CATSPERB: variants seen among roughly 807,000 people sequenced by gnomAD.
CATSPERB encodes cation channel sperm-associated auxiliary subunit beta.
In CATSPERB, 93 loss-of-function variants were observed where a neutral mutation model predicts 128.3. That is an observed-to-expected ratio of 0.72 (90% CI 0.61 to 0.86). CATSPERB has a LOEUF of 0.86. Among genes scored for constraint, CATSPERB ranks in the 40% least tolerant of loss-of-function variants. CATSPERB has a pLI of 0.00. For synonymous variants in CATSPERB, 381 were observed against 448.8 expected (o/e 0.85, Z 1.91); for missense variants, 1,153 against 1,329.5 (o/e 0.87, Z 2.06).
intron 20 of CATSPERB, among the ~76,000 whole-genome samples, chr14:91,617,317 G>A (rs1198281358): frequency 6.6e-6 from 1 of 152,116 alleles, no homozygotes; most frequent in Non-Finnish European, 1.5e-5. Flanking sequence ...AAAAAAATAT[G>A]ATTCTGAAAT....
chr14:91,641,170 C>G (rs1894491935), intron 15 of CATSPERB, among the ~76,000 whole-genome samples: 1 of 148,524 alleles, frequency 6.7e-6, no homozygotes, highest in Non-Finnish European at 1.5e-5. Flanking sequence ...TGAAAATTTT[C>G]TCCCATTTTG....
chr14:91,675,691 T>A (rs1895180929), intron 11 of CATSPERB, among the ~76,000 whole-genome samples: 1 of 152,210 alleles, frequency 6.6e-6, no homozygotes, highest in Non-Finnish European at 1.5e-5. Flanking sequence ...GATCTACATT[T>A]GGGCCCTTAT....
chr14:91,680,311 G>T (rs982665079), intron 11 of CATSPERB, among the ~76,000 whole-genome samples: 1 of 152,140 alleles, frequency 6.6e-6, no homozygotes, highest in Non-Finnish European at 1.5e-5. Flanking sequence ...TTGCAGAAGT[G>T]GTGGTCATGT....
At chr14:91,699,426 G>C (rs1393800255) in intron 7 of CATSPERB, among the ~76,000 whole-genome samples, 1 of 151,446 alleles carries the variant, frequency 6.6e-6, no homozygotes, top group Non-Finnish European at 1.5e-5. Context: ...CACAGAATTA[G>C]AAAAAAAATC....
chr14:91,686,941 A>T (rs1388241851), intron 10 of CATSPERB, among the ~76,000 whole-genome samples: 1 of 152,200 alleles, frequency 6.6e-6, no homozygotes. Context: ...AACAAAAAAC[A>T]AAAGAAAAAG....
At chr14:91,657,758 T>A (rs1239246164) in intron 15 of CATSPERB, among the ~76,000 whole-genome samples, 1 of 152,096 alleles carries the variant, frequency 6.6e-6, no homozygotes, top group Non-Finnish European at 1.5e-5. Context: ...CAGACAGGCG[T>A]ATGAAAAGGT....
Position 91,661,097 on chromosome 14 carries a change from T to C in CATSPERB, c.1288-1116A>G, listed in dbSNP as rs112912249. On this transcript the variant is annotated intron_variant, in intron 14 of 26. Transcript: ENST00000256343. ...ATAACACAATCCATGATCCAAAGCA[T>C]ATGGTATGTGGACCTCAATTTTCAC... Among the ~76,000 whole-genome samples, 1,064 of 152,252 alleles carry C rather than the reference T, an allele frequency of 7.0e-3. 9 individuals carry two copies. Among genetic ancestry groups the C allele is most frequent in the Middle Eastern group, 0.014 (4 of 294 alleles).
chr14:91,695,958 A>G (rs1279080318), intron 7 of CATSPERB, among the ~76,000 whole-genome samples: 1 of 152,206 alleles, frequency 6.6e-6, no homozygotes, highest in Non-Finnish European at 1.5e-5. Context: ...GACCAATTTA[A>G]TACTAATTGG....
intron 15 of CATSPERB, chr14:91,646,033 C>T (rs1466114160): frequency 6.5e-6 from 1 of 152,900 alleles, no homozygotes; most frequent in Non-Finnish European, 1.5e-5. Context: ...CCTTGCGCTT[C>T]CCAGGTGAGG....
intron 14 of CATSPERB, among the ~76,000 whole-genome samples, chr14:91,667,679 T>G (rs1895010713): frequency 6.6e-6 from 1 of 152,220 alleles, no homozygotes; most frequent in East Asian, 1.9e-4. Context: ...TCCTCACTGC[T>G]GAGAAAGGAG....
chr14:91,665,621 G>A (rs1275588707), intron 14 of CATSPERB, among the ~76,000 whole-genome samples: 3 of 152,166 alleles, frequency 2.0e-5, no homozygotes, highest in Admixed American at 1.3e-4. Flanking sequence ...TATAATCCCA[G>A]CACTTTGGGA....
intron 12 of CATSPERB, among the ~76,000 whole-genome samples, chr14:91,673,392 T>C (rs1196136615): frequency 6.6e-6 from 1 of 152,172 alleles, no homozygotes; most frequent in Non-Finnish European, 1.5e-5. Flanking sequence ...AGAGACAGGT[T>C]TGAGATTTTT....
At chr14:91,591,857 G>A (rs1893409757) in intron 23 of CATSPERB, 35 bp downstream of exon 23, 1 of 1,367,668 alleles carries the variant, frequency 7.3e-7, no homozygotes, top group Non-Finnish European at 1.0e-6. Flanking sequence ...TAATAAGAAA[G>A]TATCCTGTAT....
chr14:91,616,733 C>CCTTTTTTTTTTT (rs1555360387), intron 20 of CATSPERB, among the ~76,000 whole-genome samples: 1 of 84,480 alleles, frequency 1.2e-5, no homozygotes, highest in African/African-American at 4.7e-5. Context: ...AAGTATTCCC[C>CCTTTTTTTTTTT]TTTTTTTTTT....
chr14:91,694,591 T>C (rs1248983429), intron 7 of CATSPERB, among the ~76,000 whole-genome samples: 1 of 152,102 alleles, frequency 6.6e-6, no homozygotes, highest in Non-Finnish European at 1.5e-5. Flanking sequence ...AGGAGTACAA[T>C]TTTAGTTAAT....
intron 6 of CATSPERB, among the ~76,000 whole-genome samples, chr14:91,706,641 T>A (rs1004757237): frequency 2.0e-5 from 3 of 152,080 alleles, no homozygotes; most frequent in African/African-American, 7.2e-5. Flanking sequence ...GAGACAAGGT[T>A]TTACACTCTC....
chr14:91,587,129 T>G, intron 26 of CATSPERB, 73 bp downstream of exon 26: 1 of 1,197,948 alleles, frequency 8.3e-7, no homozygotes, highest in Non-Finnish European at 1.2e-6. Context: ...TTCTCTTCGG[T>G]GTCTCTTGAA....
intron 20 of CATSPERB, among the ~76,000 whole-genome samples, chr14:91,612,273 T>A (rs1470266884): frequency 2.0e-5 from 3 of 152,136 alleles, no homozygotes; most frequent in Non-Finnish European, 4.4e-5. Flanking sequence ...TACAATACTC[T>A]ATTATTAACT....
chr14:91,676,726 G>A (rs1206640021), intron 11 of CATSPERB, among the ~76,000 whole-genome samples: 3 of 152,040 alleles, frequency 2.0e-5, no homozygotes, highest in African/African-American at 7.2e-5. Context: ...TGTAAGGAAT[G>A]TCAATGGTAT....
Sources: allele counts gnomAD v4.1 joint callset (sites outside exome capture counted in the v4.1 genomes callset), GRCh38; gene constraint gnomAD v4.1.1; transcripts MANE v1.5; gene names NCBI Gene and HGNC (gene_info 2026-07-23, HGNC 2026-07-21).